Variants in ZNF565 observed in about 807,000 individuals in gnomAD.
The protein encoded by ZNF565 is zinc finger protein 565.
Under a neutral mutation model 39.4 loss-of-function variants are expected in ZNF565, and 27 were observed. That is an observed-to-expected ratio of 0.69 (90% CI 0.51 to 0.95). The LOEUF (loss-of-function observed/expected upper bound fraction) is 0.95, where lower values mean the gene tolerates loss of function less well. Among genes scored for constraint, ZNF565 ranks in the 40% least tolerant of loss-of-function variants. The pLI is 0.00. For synonymous variants in ZNF565, 185 were observed against 216.6 expected, an observed-to-expected ratio of 0.85 and a Z score of 1.28; for missense variants, 524 against 621.1, an observed-to-expected ratio of 0.84 and a Z score of 1.66.
chr19:36,244,138 T>TC (rs1477558322), intron 1 of ZNF565, among the ~76,000 whole-genome samples: 1 of 84,012 alleles, frequency 1.2e-5, no homozygotes, highest in African/African-American at 4.2e-5. Flanking sequence ...TGTCTGTGTG[T>TC]CTGAGTGGCT....
In ZNF565 at chr19:36,182,408, T is replaced by A. The variant is rs879735466; in HGVS notation, c.*58A>T. 31 of 1,466,630 alleles carry A rather than the reference T, an allele frequency of 2.1e-5. No homozygotes were observed. The highest frequency in any genetic ancestry group is 1.8e-4 in the Middle Eastern group (1 of 5,500). The allele number at this position is 1,466,630 out of a possible 1,614,324, so 90.9% of individuals were successfully genotyped here. A position where few individuals can be genotyped will look rare whatever the true frequency, so the allele number is the denominator to read the frequency against. On this transcript the variant is annotated 3_prime_UTR_variant, in exon 5 of 5. Coordinates refer to ENST00000304116, the MANE Select transcript of ZNF565 (RefSeq NM_152477.5). ...CACTACATTAAAAATTACCTAGTAC[T>A]GAGCCAGATGTGAACTCCACATAAA...
At chr19:36,237,381 C>T (rs1185106261) in intron 1 of ZNF565, 11 of 1,519,722 alleles carry the variant, frequency 7.2e-6, no homozygotes, top group Non-Finnish European at 9.7e-6. Context: ...CTCATCATGC[C>T]CCAGAAATAA....
Position 36,245,351 on chromosome 19 carries a change from G to A in ZNF565, c.55+125C>T. 3.0e-6 allele frequency: 2 copies of A among 667,188 alleles called. No individual in the cohort carries two copies. Among genetic ancestry groups the A allele is most frequent in the South Asian group, 1.6e-5 (1 of 61,916 alleles). The allele number at this position is 667,188 out of a possible 1,614,324, so 41.3% of individuals were successfully genotyped here. On this transcript the variant is annotated intron_variant, in intron 1 of 4. Coordinates refer to the ZNF565 transcript ENST00000355114. This position sits in a 1 kb window ranked among gnomAD's most constrained non-coding sequence, Gnocchi z 4.4. ...CGAGGGGCTGCTGCCGGACATTCTA[G>A]GGTCTGATCTGGCGGGCTCGAAGGG...
chr19:36,194,323 A>G lies in ZNF565; in HGVS notation c.142T>C (p.Ser48Pro). 6.2e-7 allele frequency: 1 copy of G among 1,609,674 alleles called. No individual in the cohort carries two copies. The highest frequency in any genetic ancestry group is 8.5e-7 in the Non-Finnish European group (1 of 1,177,802). ...NFGHLASLGLSISKPDVVSLL... is the reference protein window; with the variant it reads ...NFGHLASLGLPISKPDVVSLL... ...GAGACGACATCAGGCTTAGAAATGG[A>G]GAGTCCTGTTTACAGGAAAAGAAAT... Residue 48 changes from serine to proline, a missense_variant, in exon 4 of 5, where the codon TCC becomes CCC. Transcript: ENST00000304116.
intron 1 of ZNF565, chr19:36,236,134 A>G (rs949566127): frequency 5.2e-5 from 15 of 290,524 alleles, no homozygotes; most frequent in Non-Finnish European, 8.9e-5. Context: ...AGGAGTATTG[A>G]CAAGCCCTTA....
rs2029889140 is a variant in ZNF565 at position 36,245,378 on chromosome 19, G to A, written c.55+98C>T. The stretch of plus-strand genomic sequence containing the variant: ...GTCTGATCTGGCGGGCTCGAAGGGA[G>A]GACAGTCACTGCGACCCGGAAAGCT... On this transcript the variant is annotated intron_variant, in intron 1 of 4. Coordinates refer to the ZNF565 transcript ENST00000355114. This position sits in a 1 kb window ranked among gnomAD's most constrained non-coding sequence, Gnocchi z 4.4. 1 of 694,064 alleles carries A rather than the reference G, an allele frequency of 1.4e-6. No homozygotes were observed. The highest frequency in any genetic ancestry group is 2.7e-5 in the East Asian group (1 of 37,248). 43.0% of individuals were successfully genotyped at this position (694,064 alleles called of 1,614,324 possible). A position where few individuals can be genotyped will look rare whatever the true frequency, so the allele number is the denominator to read the frequency against.
intron 4 of ZNF565, among the ~76,000 whole-genome samples, chr19:36,184,729 T>C (rs1299439808): frequency 6.6e-6 from 1 of 152,228 alleles, no homozygotes; most frequent in African/African-American, 2.4e-5. Context: ...AAGGCATCTA[T>C]ATTTTCAACA....
At position 36,207,265 on chromosome 19, in the gene ZNF565, G is replaced by T. The variant is rs1033530592; in HGVS notation, c.-65-5215C>A. On this transcript the variant is annotated intron_variant, in intron 1 of 4. Coordinates refer to ENST00000304116, the MANE Select transcript of ZNF565 (RefSeq NM_152477.5). ...AATCTGATTTATATTTAAAAGGGGC[G>T]GGGCACAGTGGCTCACGCCTGTAAT... Among the ~76,000 whole-genome samples, 5 of 152,132 alleles carry T rather than the reference G, an allele frequency of 3.3e-5. No homozygotes were observed. The South Asian group carries it at 1.0e-3, about 32-fold the overall frequency.
intron 1 of ZNF565, among the ~76,000 whole-genome samples, chr19:36,209,572 A>AGGGAGGAG (rs1555739299): frequency 1.3e-5 from 2 of 151,758 alleles, no homozygotes; most frequent in Non-Finnish European, 2.9e-5. Context: ...AGAAGAAATG[A>AGGGAGGAG]TGACTCAGTA....
chr19:36,201,977 C>T lies in ZNF565; in HGVS notation c.9G>A (p.Gln3=). Residue 3 remains glutamine (Q), a splice_region_variant and synonymous_variant, in exon 2 of 5, where the codon CAG becomes CAA. Coordinates refer to ENST00000304116, the MANE Select transcript of ZNF565 (RefSeq NM_152477.5). MA[Q]GLVTFRDVAI... is the part of the protein sequence containing the mutation. ...AAGGATAGAAGGAATTTCAACATACCTGGGCCATGGCTTTTAGAACTATTT... is the reference window on the plus strand; with the variant it reads ...AAGGATAGAAGGAATTTCAACATACTTGGGCCATGGCTTTTAGAACTATTT... 6.2e-7 allele frequency: 1 copy of T among 1,613,996 alleles called. No homozygotes were observed. The highest frequency in any genetic ancestry group is 8.5e-7 in the Non-Finnish European group (1 of 1,179,936).
At chr19:36,237,484 A>T in intron 1 of ZNF565, 1 of 757,374 alleles carries the variant, frequency 1.3e-6, no homozygotes, top group South Asian at 2.3e-5. Context: ...AGAGAAAGAC[A>T]TGCATATGAT....
rs150713050 is a variant in ZNF565, at chr19:36,199,011, T to A, written c.9+2966A>T. On this transcript the variant is annotated intron_variant, in intron 2 of 4. Transcript: ENST00000304116. Reference sequence around the variant, plus strand: ...CATGATGTGCTTATTTCACACTGCATGCCTGTATCACAACATCTCATGTAC... The same window carrying A: ...CATGATGTGCTTATTTCACACTGCAAGCCTGTATCACAACATCTCATGTAC... Among the ~76,000 whole-genome samples the A allele has an allele frequency of 2.6e-3, 403 of 152,360 alleles. 3 individuals carry two copies. Among genetic ancestry groups the A allele is most frequent in the African/African-American group, 9.0e-3 (373 of 41,588 alleles).
At chr19:36,243,102 C>T (rs1977826545) in intron 1 of ZNF565, among the ~76,000 whole-genome samples, 1 of 152,138 alleles carries the variant, frequency 6.6e-6, no homozygotes, top group African/African-American at 2.4e-5. Context: ...GGGGTGATCT[C>T]AGCTCACTGC....
intron 1 of ZNF565, among the ~76,000 whole-genome samples, chr19:36,224,562 A>G (rs1370469434): frequency 1.3e-5 from 2 of 152,134 alleles, no homozygotes; most frequent in Admixed American, 6.5e-5. Context: ...AGGCTTTATC[A>G]TTGTGTTTTA....
rs1229625965 is a variant in ZNF565 at position 36,211,449 on chromosome 19, T to TCTCACA, written c.-66+3172_-66+3173insTGTGAG. Among the ~76,000 whole-genome samples the TCTCACA allele has an allele frequency of 8.3e-3, 1,146 of 137,760 alleles. 7 individuals carry two copies. The highest frequency in any genetic ancestry group is 0.016 in the Admixed American group (215 of 13,314). 90.4% of individuals were successfully genotyped at this position (137,760 alleles called of 152,430 possible). On this transcript the variant is annotated intron_variant, in intron 1 of 4. Coordinates refer to ENST00000304116, the MANE Select transcript of ZNF565 (RefSeq NM_152477.5). Reference sequence around the variant, plus strand: ...ACAAGAGCCAAACTCCAACTCTCTCTCACACACACACACACACACACACAC... The same window carrying TCTCACA: ...ACAAGAGCCAAACTCCAACTCTCTCTCTCACACACACACACACACACACACACACAC...
chr19:36,217,023 G>A (rs1004521562), upstream of ZNF565, among the ~76,000 whole-genome samples: 1 of 144,556 alleles, frequency 6.9e-6, no homozygotes, highest in Non-Finnish European at 1.5e-5. Flanking sequence ...CCTGGCGACA[G>A]CATTCCAGCT....
At chr19:36,199,679 C>T (rs1030706539) in intron 2 of ZNF565, among the ~76,000 whole-genome samples, 1 of 151,694 alleles carries the variant, frequency 6.6e-6, no homozygotes, top group African/African-American at 2.4e-5. Context: ...GGCTAACTTT[C>T]GTATATACAT....
At position 36,220,371 on chromosome 19, in the gene ZNF565, TA is replaced by T. The variant is rs1568429124; in HGVS notation, c.56-18322del. On this transcript the variant is annotated intron_variant, in intron 1 of 4. Transcript: ENST00000355114. ...CTAGTTCTTTTTTTTAATTTAATTT[TA>T]TTTTATTTTTGAGACGGAGTCTTGC... 1.8e-4 allele frequency among the ~76,000 whole-genome samples: 26 copies of T among 145,552 alleles called. 2 individuals are homozygous for T. The highest frequency in any genetic ancestry group is 3.1e-4 in the Non-Finnish European group (20 of 65,416).
At chr19:36,217,309 C>T (rs912959291), upstream of ZNF565, among the ~76,000 whole-genome samples, 1 of 151,462 alleles carries the variant, frequency 6.6e-6, no homozygotes, top group Non-Finnish European at 1.5e-5. Context: ...GTGATCGGCC[C>T]GCCTCGGCTT....
Sources: gnomAD v4.1 joint callset for allele counts (sites outside exome capture counted in the v4.1 genomes callset) on GRCh38, gnomAD v4.1.1 for gene constraint, Gnocchi (gnomAD v3.1) non-coding constraint, MANE v1.5 for transcripts, NCBI Gene and HGNC (gene_info 2026-07-23, HGNC 2026-07-21) for gene names.